ATG5: variants seen among roughly 807,000 people sequenced by gnomAD.
The protein encoded by ATG5 is autophagy protein 5.
In ATG5, 14 loss-of-function variants were observed where a neutral mutation model predicts 36.5. The observed-to-expected ratio is 0.38, with a 90% CI of 0.25 to 0.60. The LOEUF is 0.60. Among genes scored for constraint, ATG5 ranks in the 20% least tolerant of loss-of-function variants. The probability of loss-of-function intolerance (pLI) is 0.60; values close to 1 mark genes in which losing one functional copy is unlikely to be tolerated. For synonymous variants in ATG5, 95 were observed against 101.5 expected (o/e 0.94, Z 0.38); for missense variants, 195 against 326.7 (o/e 0.60, Z 3.11).
intron 1 of ATG5, 72 bp from the exon 2 acceptor site, chr6:106,316,338 A>G (rs1176039704): frequency 4.0e-6 from 2 of 503,634 alleles, no homozygotes; most frequent in Non-Finnish European, 6.6e-6. Context: ...ACAAAAGATT[A>G]TTTTAAAAAA....
At chr6:106,274,417 C>T (rs1779567492) in intron 5 of ATG5, among the ~76,000 whole-genome samples, 2 of 152,082 alleles carry the variant, frequency 1.3e-5, no homozygotes, top group Admixed American at 1.3e-4. Flanking sequence ...ATTTCTCTTT[C>T]ACAGAGTTCT....
rs1582519798 is a variant in ATG5 at position 106,186,290 on chromosome 6, C to T, written c.*250G>A. 1 of 427,724 alleles carries T rather than the reference C, an allele frequency of 2.3e-6. No homozygotes were observed. Among genetic ancestry groups the T allele is most frequent in the East Asian group, 3.7e-5 (1 of 26,970 alleles). The allele number at this position is 427,724 out of a possible 1,614,324, so 26.5% of individuals were successfully genotyped here. On this transcript the variant is annotated 3_prime_UTR_variant, in exon 8 of 8. Coordinates refer to ENST00000369076, the MANE Select transcript of ATG5 (RefSeq NM_004849.4). The stretch of plus-strand genomic sequence containing the variant: ...AGCTTCATTATATTTTACAGAAGAC[C>T]TTCAGTGGTCCGGTAAGTCTTTCAT...
chr6:106,218,984 AG>A, intron 6 of ATG5, among the ~76,000 whole-genome samples: 1 of 151,536 alleles, frequency 6.6e-6, no homozygotes, highest in Non-Finnish European at 1.5e-5. Flanking sequence ...AGGGAGGAAA[AG>A]TGGGAGAAAA....
chr6:106,231,748 C>G (rs146871812), intron 6 of ATG5, among the ~76,000 whole-genome samples: 1 of 151,932 alleles, frequency 6.6e-6, no homozygotes, highest in African/African-American at 2.4e-5. Flanking sequence ...GCCTTAGGCC[C>G]GGAACAAAAC....
intron 7 of ATG5, among the ~76,000 whole-genome samples, chr6:106,196,890 T>A (rs1039256515): frequency 6.6e-6 from 1 of 151,454 alleles, no homozygotes; most frequent in African/African-American, 2.4e-5. Context: ...AACAAATGAA[T>A]CCATTAACAA....
At chr6:106,322,512 C>T (rs1233529696) in intron 1 of ATG5, among the ~76,000 whole-genome samples, 1 of 152,174 alleles carries the variant, frequency 6.6e-6, no homozygotes, top group Non-Finnish European at 1.5e-5. Context: ...CTATTCTATA[C>T]CTTCTCCTCC....
chr6:106,254,722 AC>A (rs1304766331), intron 5 of ATG5, among the ~76,000 whole-genome samples: 2 of 152,314 alleles, frequency 1.3e-5, no homozygotes, highest in East Asian at 3.9e-4. Context: ...CTCAGATTCA[AC>A]AAGAGAAGGC....
chr6:106,307,533 C>A (rs891260637), intron 3 of ATG5, among the ~76,000 whole-genome samples: 26 of 131,758 alleles, frequency 2.0e-4, no homozygotes, highest in African/African-American at 7.5e-4. Context: ...GATTTCAATA[C>A]CCTTTTTTTT....
intron 1 of ATG5, among the ~76,000 whole-genome samples, chr6:106,320,459 A>C (rs1165763410): frequency 7.2e-5 from 11 of 152,168 alleles, no homozygotes; most frequent in Non-Finnish European, 1.2e-4. Context: ...CCAACTTTTA[A>C]GGAAATTTTG....
chr6:106,260,618 C>A lies in ATG5; in HGVS notation c.479-12374G>T, dbSNP rs558218308. ...TTCCAGTGTTTGGGTAAAAACCTTG[C>A]AATTCTCTGAATGCTAATTAAAATA... is the stretch of plus-strand genomic sequence containing the variant. On this transcript the variant is annotated intron_variant, in intron 5 of 7. Coordinates refer to ENST00000369076, the MANE Select transcript of ATG5 (RefSeq NM_004849.4). Among the ~76,000 whole-genome samples the A allele has an allele frequency of 4.3e-4, 66 of 152,264 alleles. No individual in the cohort carries two copies. In the Middle Eastern group the frequency reaches 0.01, roughly 24 times the overall value.
At chr6:106,245,529 C>T (rs1778295723) in intron 6 of ATG5, among the ~76,000 whole-genome samples, 1 of 152,130 alleles carries the variant, frequency 6.6e-6, no homozygotes, top group African/African-American at 2.4e-5. Context: ...GCCTCAGTTT[C>T]CTCACATGTA....
intron 3 of ATG5, among the ~76,000 whole-genome samples, chr6:106,305,111 G>C (rs886721550): frequency 6.7e-6 from 1 of 149,616 alleles, no homozygotes; most frequent in Non-Finnish European, 1.5e-5. Flanking sequence ...AAAAAAAGAT[G>C]AATTTTATTC....
Position 106,302,916 on chromosome 6 carries a change from C to G in ATG5, c.236+5448G>C, listed in dbSNP as rs1488455764. On this transcript the variant is annotated intron_variant, in intron 3 of 7. Coordinates refer to ENST00000369076, the MANE Select transcript of ATG5 (RefSeq NM_004849.4). ...CTGGCTGAAATAGATATTTGTAACA[C>G]TAAATGCTTGTACAACATTGTGAAT... Among the ~76,000 whole-genome samples the G allele has an allele frequency of 3.3e-5, 5 of 152,068 alleles. No homozygotes were observed. The East Asian group carries it at 9.7e-4, about 29-fold the overall frequency.
intron 2 of ATG5, among the ~76,000 whole-genome samples, chr6:106,311,971 C>T (rs758412800): frequency 1.3e-5 from 2 of 152,074 alleles, no homozygotes; most frequent in Non-Finnish European, 2.9e-5. Flanking sequence ...GCTGGGATTA[C>T]AGGTGTCCAC....
chr6:106,268,106 A>G (rs1197650521), intron 5 of ATG5, among the ~76,000 whole-genome samples: 2 of 152,230 alleles, frequency 1.3e-5, no homozygotes, highest in African/African-American at 2.4e-5. Context: ...AACCTACAGA[A>G]TGGGAGAAAA....
chr6:106,229,727 C>T (rs1317972744), intron 6 of ATG5, among the ~76,000 whole-genome samples: 3 of 152,344 alleles, frequency 2.0e-5, no homozygotes, highest in Admixed American at 2.0e-4. Flanking sequence ...AACCCATAGC[C>T]TTCCTATCAA....
intron 6 of ATG5, among the ~76,000 whole-genome samples, chr6:106,242,620 TAAC>T (rs767274216): frequency 1.5e-4 from 22 of 150,144 alleles, no homozygotes; most frequent in Non-Finnish European, 2.2e-4. Context: ...ATACTATAAA[TAAC>T]AACAACAAAA....
At position 106,295,643 on chromosome 6, in the gene ATG5, A is replaced by C. The variant is rs571826202; in HGVS notation, c.237-2537T>G. On this transcript the variant is annotated intron_variant, in intron 3 of 7. Transcript: ENST00000369076. ...CAGTGGTGCAGTCAGAGCTCACTAC[A>C]ATCTTGACCTCCTGGGCTCAAGCGA... Among the ~76,000 whole-genome samples, 19 of 151,864 alleles carry C rather than the reference A, an allele frequency of 1.3e-4. No homozygotes were observed. The East Asian group carries it at 3.3e-3, about 26-fold the overall frequency.
chr6:106,190,117 C>A (rs890826934), intron 7 of ATG5, among the ~76,000 whole-genome samples: 3 of 151,938 alleles, frequency 2.0e-5, no homozygotes, highest in Admixed American at 2.0e-4. Flanking sequence ...ATCAACTATC[C>A]CAATAATGTA....
Sources: gnomAD v4.1 joint callset for allele counts (sites outside exome capture counted in the v4.1 genomes callset) on GRCh38, gnomAD v4.1.1 for gene constraint, MANE v1.5 for transcripts, NCBI Gene and HGNC (gene_info 2026-07-23, HGNC 2026-07-21) for gene names.